The following GLIS3 variants were observed in gnomAD, a reference collection of about 807,000 sequenced individuals.
GLIS3 encodes the protein zinc finger protein GLIS3.
In GLIS3, 53 loss-of-function variants were observed where a neutral mutation model predicts 78.6. The ratio of observed to expected loss-of-function variants is 0.67; its 90% confidence interval spans 0.54 to 0.85. The LOEUF (loss-of-function observed/expected upper bound fraction) is 0.85, where lower values mean the gene tolerates loss of function less well. Among genes scored for constraint, GLIS3 ranks in the 40% least tolerant of loss-of-function variants. The probability of loss-of-function intolerance (pLI) is 0.00; values close to 1 mark genes in which losing one functional copy is unlikely to be tolerated. For synonymous variants in GLIS3, 684 were observed against 509.9 expected (o/e 1.34, Z -4.60); for missense variants, 1,703 against 1,231.1 (o/e 1.38, Z -5.74).
upstream of GLIS3, among the ~76,000 whole-genome samples, chr9:4,350,241 A>C (rs1261529937): frequency 6.6e-6 from 1 of 152,176 alleles, no homozygotes; most frequent in Non-Finnish European, 1.5e-5. Flanking sequence ...CAAGGCACCT[A>C]TTCACCAGCA....
chr9:3,967,266 G>A (rs60626311), intron 4 of GLIS3, among the ~76,000 whole-genome samples: 152 of 152,300 alleles, frequency 1.0e-3, no homozygotes, highest in African/African-American at 3.4e-3. Flanking sequence ...CACTTTGGGA[G>A]ACCGAGGCGG....
At position 4,320,012 on chromosome 9, in the gene GLIS3, TGTGTGTGTGTGTGC is replaced by T. The variant is rs1467841314; in HGVS notation, n.265-9498_265-9485del. On this transcript the variant is annotated intron_variant and non_coding_transcript_variant, in intron 2 of 4. Transcript: ENST00000471664. The stretch of plus-strand genomic sequence containing the variant: ...GTGTGTGTGTGTGTGTGTGTGTGTG[TGTGTGTGTGTGTGC>T]GCGCGCACAAGAGTCAAATTAGTTG... Among the ~76,000 whole-genome samples, 18 of 43,332 alleles carry T rather than the reference TGTGTGTGTGTGTGC, an allele frequency of 4.2e-4. No individual in the cohort carries two copies. In the East Asian group the frequency reaches 4.5e-3, roughly 11 times the overall value. 28.4% of individuals were successfully genotyped at this position (43,332 alleles called of 152,430 possible).
the GLIS3 span, among the ~76,000 whole-genome samples, chr9:4,472,095 A>G: frequency 6.6e-6 from 1 of 152,240 alleles, no homozygotes; most frequent in East Asian, 1.9e-4. Context: ...GTCATTAAAA[A>G]GTCAGGAAAC....
intron 2 of GLIS3, among the ~76,000 whole-genome samples, chr9:4,155,157 A>G (rs1834958726): frequency 6.6e-6 from 1 of 152,234 alleles, no homozygotes; most frequent in African/African-American, 2.4e-5. Context: ...GTTCTGCAAT[A>G]AACATACATA....
chr9:4,423,695 G>A, the GLIS3 span, among the ~76,000 whole-genome samples: 1 of 152,150 alleles, frequency 6.6e-6, no homozygotes, highest in Non-Finnish European at 1.5e-5. Context: ...CTAAGTTATT[G>A]CACAAATGCC....
rs1020344224 is a variant in GLIS3, at chr9:4,006,317, A to C, written c.1711-69128T>G. Among the ~76,000 whole-genome samples the C allele has an allele frequency of 5.7e-4, 86 of 151,660 alleles. 1 individual carries two copies. Among genetic ancestry groups the C allele is most frequent in the African/African-American group, 1.8e-3 (74 of 41,478 alleles). On this transcript the variant is annotated intron_variant, in intron 4 of 10. Coordinates refer to ENST00000381971, the MANE Select transcript of GLIS3 (RefSeq NM_001042413.2). Reference sequence around the variant, plus strand: ...ACTCATATGTCTCAAAAAAAAAAAAAAAAAAAAAAAAACTAGAGTATTTCT... The same window carrying C: ...ACTCATATGTCTCAAAAAAAAAAAACAAAAAAAAAAAACTAGAGTATTTCT...
intron 2 of GLIS3, among the ~76,000 whole-genome samples, chr9:4,324,183 A>AC (rs1209503034): frequency 4.6e-5 from 7 of 152,124 alleles, no homozygotes; most frequent in Non-Finnish European, 7.3e-5. Context: ...ATTTCCCATC[A>AC]CTTTATCTTT....
At chr9:4,378,979 C>G in the GLIS3 span, among the ~76,000 whole-genome samples, 1 of 152,166 alleles carries the variant, frequency 6.6e-6, no homozygotes, top group African/African-American at 2.4e-5. Flanking sequence ...TGAAGGCTGA[C>G]AGGTGGAGAT....
At chr9:4,075,042 G>A (rs1827927526) in intron 4 of GLIS3, among the ~76,000 whole-genome samples, 1 of 152,006 alleles carries the variant, frequency 6.6e-6, no homozygotes, top group Admixed American at 6.6e-5. Flanking sequence ...GCTACCATAG[G>A]AAGAAAATTC....
chr9:4,461,770 T>C, the GLIS3 span, among the ~76,000 whole-genome samples: 2 of 152,178 alleles, frequency 1.3e-5, no homozygotes, highest in African/African-American at 2.4e-5. Flanking sequence ...CAACTAGCAT[T>C]ACACCCTCAG....
chr9:4,006,322 A>C (rs946213924), intron 4 of GLIS3, among the ~76,000 whole-genome samples: 2 of 151,694 alleles, frequency 1.3e-5, no homozygotes, highest in Admixed American at 6.6e-5. Flanking sequence ...AAAAAAAAAA[A>C]AAAAAAACTA....
At chr9:4,141,629 G>T (rs1463003028) in intron 2 of GLIS3, among the ~76,000 whole-genome samples, 1 of 152,136 alleles carries the variant, frequency 6.6e-6, no homozygotes, top group Non-Finnish European at 1.5e-5. Context: ...CTGATTTGTT[G>T]TGATTTAAAG....
chr9:4,339,168 C>T (rs763393817), intron 2 of GLIS3, among the ~76,000 whole-genome samples: 19 of 152,168 alleles, frequency 1.2e-4, no homozygotes, highest in Non-Finnish European at 1.9e-4. Context: ...TATTTGGTGG[C>T]ATAGATAGAA....
the GLIS3 span, among the ~76,000 whole-genome samples, chr9:4,466,354 G>C: frequency 6.6e-6 from 1 of 152,246 alleles, no homozygotes; most frequent in South Asian, 2.1e-4. Flanking sequence ...TGGCTTCACT[G>C]ATGAATTCTA....
At chr9:4,301,893 G>C (rs901159916), upstream of GLIS3, among the ~76,000 whole-genome samples, 1 of 152,108 alleles carries the variant, frequency 6.6e-6, no homozygotes, top group Non-Finnish European at 1.5e-5. Flanking sequence ...GAGCCCAAGA[G>C]TGGGAATGTC....
At chr9:4,379,062 G>T in the GLIS3 span, among the ~76,000 whole-genome samples, 2 of 152,156 alleles carry the variant, frequency 1.3e-5, no homozygotes, top group African/African-American at 4.8e-5. Flanking sequence ...TGGTTTTCTT[G>T]CCTAACCTGC....
intron 2 of GLIS3, among the ~76,000 whole-genome samples, chr9:4,340,295 A>AG (rs1318526485): frequency 7.0e-6 from 1 of 142,306 alleles, no homozygotes; most frequent in Admixed American, 6.8e-5. Flanking sequence ...TCAAATGAGA[A>AG]AAAAAAAAAA....
At position 4,118,122 on chromosome 9, in the gene GLIS3, C is replaced by T. The variant is rs1437334065; in HGVS notation, c.1356G>A (p.Leu452=). The T allele has an allele frequency of 6.5e-7, 1 of 1,547,706 alleles. No individual in the cohort carries two copies. Among genetic ancestry groups the T allele is most frequent in the Non-Finnish European group, 8.7e-7 (1 of 1,145,946 alleles). Residue 452 remains leucine, a synonymous_variant, in exon 4 of 11, where the codon CTG becomes CTA. Transcript: ENST00000381971. The surrounding 1 kb of genome is among the most constrained non-coding windows in gnomAD (Gnocchi z 4.7). The stretch of plus-strand genomic sequence containing the variant: ...GGGGTGGGGGGCCTGGGGGCGGCGG[C>T]AGAGGAGGGAGCGGAGGCGCGGGGG... ...DLPPAPPLPP[L]PPPPGPPPPY...
At chr9:4,071,086 A>C (rs967462997) in intron 4 of GLIS3, 2 of 152,226 alleles carry the variant, frequency 1.3e-5, no homozygotes, top group Non-Finnish European at 2.9e-5. Context: ...AGTTTGAACT[A>C]ATACACTAGA....
Sources: allele counts gnomAD v4.1 joint callset (sites outside exome capture counted in the v4.1 genomes callset), GRCh38; gene constraint gnomAD v4.1.1; non-coding constraint Gnocchi (gnomAD v3.1); transcripts MANE v1.5; gene names NCBI Gene and HGNC (gene_info 2026-07-23, HGNC 2026-07-21).